The following DNAH6 variants were observed in gnomAD, a reference collection of about 807,000 sequenced individuals.
The protein encoded by DNAH6 is dynein axonemal heavy chain 6, also known as axonemal beta dynein heavy chain 6.
DNAH6 carries 340 observed loss-of-function variants against 491.4 expected under a neutral mutation model. The observed-to-expected ratio is 0.69, with a 90% CI of 0.63 to 0.76. DNAH6 has a LOEUF of 0.76. Among genes scored for constraint, DNAH6 ranks in the 30% least tolerant of loss-of-function variants. The pLI, the probability that DNAH6 is intolerant of heterozygous loss-of-function variation, is 0.00. For missense variants in DNAH6, 4,443 were observed against 4,972.2 expected, an observed-to-expected ratio of 0.89 and a Z score of 3.20; for synonymous variants, 1,603 against 1,686.1, an observed-to-expected ratio of 0.95 and a Z score of 1.21.
chr2:84,703,631 CA>C lies in DNAH6; in HGVS notation c.8229+70del, dbSNP rs1197997656. ...AACTGATCACTTATATATAATGAGA[CA>C]CGATTGGATTTTTTTATTATATATG... On this transcript the variant is annotated intron_variant, in intron 50 of 76. Coordinates refer to ENST00000389394, the MANE Select transcript of DNAH6 (RefSeq NM_001370.2). The C allele has an allele frequency of 2.4e-6, 3 of 1,270,738 alleles. No individual in the cohort carries two copies. The African/African-American group carries it at 4.6e-5, about 19-fold the overall frequency. The allele number at this position is 1,270,738 out of a possible 1,614,324, so 78.7% of individuals were successfully genotyped here. A position where few individuals can be genotyped will look rare whatever the true frequency, so the allele number is the denominator to read the frequency against.
intron 60 of DNAH6, among the ~76,000 whole-genome samples, chr2:84,726,283 A>G (rs1165091816): frequency 2.0e-5 from 3 of 152,130 alleles, no homozygotes; most frequent in African/African-American, 7.2e-5. Context: ...TTGGGCAGGT[A>G]CTACCTCACC....
At chr2:84,711,152 C>A (rs1432515344) in intron 56 of DNAH6, among the ~76,000 whole-genome samples, 1 of 152,142 alleles carries the variant, frequency 6.6e-6, no homozygotes, top group Non-Finnish European at 1.5e-5. Context: ...CTGGGATAGT[C>A]ACCAATGGAT....
intron 63 of DNAH6, among the ~76,000 whole-genome samples, chr2:84,751,938 A>G (rs1380278173): frequency 6.6e-6 from 1 of 152,238 alleles, no homozygotes; most frequent in African/African-American, 2.4e-5. Context: ...TAAGGTGATT[A>G]AATATACATA....
intron 63 of DNAH6, among the ~76,000 whole-genome samples, chr2:84,756,327 C>T (rs751505521): frequency 2.6e-5 from 4 of 152,194 alleles, no homozygotes; most frequent in African/African-American, 9.7e-5. Context: ...AATACTGCTA[C>T]AAGAGTATGC....
chr2:84,806,808 T>A (rs1038295788), intron 71 of DNAH6, among the ~76,000 whole-genome samples: 3 of 152,090 alleles, frequency 2.0e-5, no homozygotes, highest in Non-Finnish European at 4.4e-5. Context: ...TTAAAGCCCC[T>A]GGAAGAAAAG....
chr2:84,709,982 A>T (rs967707425), intron 55 of DNAH6, among the ~76,000 whole-genome samples: 4 of 152,216 alleles, frequency 2.6e-5, no homozygotes, highest in African/African-American at 9.6e-5. Context: ...ATCAGGTTGT[A>T]CTAAATAGGG....
chr2:84,759,318 G>A (rs1456187110), intron 63 of DNAH6, among the ~76,000 whole-genome samples: 1 of 151,854 alleles, frequency 6.6e-6, no homozygotes, highest in Non-Finnish European at 1.5e-5. Flanking sequence ...GACCAGCCTG[G>A]GCAACATGGC....
chr2:84,584,081 A>G lies in DNAH6; in HGVS notation c.2312A>G (p.Glu771Gly). 6.2e-7 allele frequency: 1 copy of G among 1,614,170 alleles called. No homozygotes were observed. Among genetic ancestry groups the G allele is most frequent in the East Asian group, 2.2e-5 (1 of 44,870 alleles). The change falls in exon 15 of 77, where the codon GAA becomes GGA. Residue 771 changes from glutamate to glycine, a missense_variant. Physicochemically the swap from Glu to Gly is moderately conservative, Grantham distance 98. This residue lies in a region of DNAH6 where 2,977 missense variants were observed against 3,296.6 expected (regional missense o/e 0.90). Coordinates refer to ENST00000389394, the MANE Select transcript of DNAH6 (RefSeq NM_001370.2). ...CAATATCAGGTGCCCACACCTCCTG[A>G]AGACTTTGCTGTTTTTGCAACTATG... ...MEQYQVPTPP[E>G]DFAVFATMKP... is the part of the protein sequence containing the mutation.
At chr2:84,683,486 G>C (rs887627789) in intron 42 of DNAH6, among the ~76,000 whole-genome samples, 2 of 147,682 alleles carry the variant, frequency 1.4e-5, no homozygotes, top group African/African-American at 5.1e-5. Context: ...GCAGTGGCGT[G>C]ATCTCGGCTC....
At position 84,673,743 on chromosome 2, in the gene DNAH6, G is replaced by T. The variant is rs142057400; in HGVS notation, c.6612+1259G>T. Among the ~76,000 whole-genome samples the T allele has an allele frequency of 2.7e-3, 407 of 152,286 alleles. 2 individuals carry two copies. Among genetic ancestry groups the T allele is most frequent in the Non-Finnish European group, 4.4e-3 (300 of 68,026 alleles). On this transcript the variant is annotated intron_variant, in intron 40 of 76. Coordinates refer to ENST00000389394, the MANE Select transcript of DNAH6 (RefSeq NM_001370.2). ...AGGAAGATGTAGTCTGGAAGGCTAG[G>T]CCACTCTCTTTTCACACTTTTCTGC...
intron 1 of DNAH6, 32 bp from the exon 2 acceptor site, chr2:84,517,787 T>C (rs1195955105): frequency 6.6e-7 from 1 of 1,504,684 alleles, no homozygotes; most frequent in Non-Finnish European, 9.0e-7. Flanking sequence ...GATCTACTTT[T>C]CATTTTCTTT....
At position 84,526,631 on chromosome 2, in the gene DNAH6, G is replaced by C. The variant is rs551026957; in HGVS notation, c.399+893G>C. Among the ~76,000 whole-genome samples the C allele has an allele frequency of 3.9e-5, 6 of 152,280 alleles. No homozygotes were observed. The East Asian group carries it at 1.2e-3, about 29-fold the overall frequency. ...GAATGAGTGGAAAGTTAATGGGATA[G>C]ATAAGATGAGAGAGGTGGGAGCTCT... On this transcript the variant is annotated intron_variant, in intron 3 of 76. Coordinates refer to ENST00000389394, the MANE Select transcript of DNAH6 (RefSeq NM_001370.2).
chr2:84,760,531 A>G (rs1394473264), intron 63 of DNAH6, among the ~76,000 whole-genome samples: 1 of 152,156 alleles, frequency 6.6e-6, no homozygotes, highest in African/African-American at 2.4e-5. Flanking sequence ...AAGACATACA[A>G]ATGGCTAACA....
intron 4 of DNAH6, 37 bp from the exon 5 acceptor site, chr2:84,544,196 A>G (rs1044272638): frequency 4.5e-6 from 5 of 1,114,840 alleles, no homozygotes; most frequent in Admixed American, 5.6e-5. Flanking sequence ...TGTATTGAAT[A>G]CTTTATTTAT....
rs117654753 is a variant in DNAH6, at chr2:84,669,161, C to T, written c.6085-128C>T. ...AGATACCTAAATAACTATGTATCTACAAAGGAAAAAGAAATCCAAATCCAG... is the reference window on the plus strand; with the variant it reads ...AGATACCTAAATAACTATGTATCTATAAAGGAAAAAGAAATCCAAATCCAG... On this transcript the variant is annotated intron_variant, in intron 37 of 76. Transcript: ENST00000389394. 9.3e-4 allele frequency: 661 copies of T among 708,876 alleles called. 3 individuals are homozygous for T. The East Asian group carries it at 0.016, about 18-fold the overall frequency. 43.9% of individuals were successfully genotyped at this position (708,876 alleles called of 1,614,324 possible). A position where few individuals can be genotyped will look rare whatever the true frequency, so the allele number is the denominator to read the frequency against.
chr2:84,701,110 C>A lies in DNAH6; in HGVS notation c.7832C>A (p.Ala2611Glu), dbSNP rs1297058661. 4.5e-6 allele frequency: 7 copies of A among 1,550,912 alleles called. No individual in the cohort carries two copies. Among genetic ancestry groups the A allele is most frequent in the Non-Finnish European group, 6.1e-6 (7 of 1,146,032 alleles). The change falls in exon 49 of 77, where the codon GCA becomes GAA. Residue 2611 changes from alanine to glutamate, a missense_variant. Physicochemically the swap from Ala to Glu is moderately radical, Grantham distance 107 (BLOSUM62 -1). Coordinates refer to ENST00000389394, the MANE Select transcript of DNAH6 (RefSeq NM_001370.2). ...IDWFVQWPRE[A>E]LLSVSKTFFS... ...CTTGATTCACAGTGGCCCAGAGAAG[C>A]ACTTCTTTCTGTGTCAAAGACATTT...
chr2:84,643,357 A>G (rs2104514079), intron 33 of DNAH6, among the ~76,000 whole-genome samples: 1 of 151,396 alleles, frequency 6.6e-6, no homozygotes, highest in East Asian at 1.9e-4. Flanking sequence ...TATAATTTTT[A>G]GGTATTTATC....
intron 50 of DNAH6, 127 bp downstream of exon 50, chr2:84,703,689 A>C: frequency 1.1e-6 from 1 of 893,738 alleles, no homozygotes; most frequent in Non-Finnish European, 1.6e-6. Context: ...AGATTTAGCA[A>C]AGTTTTTTTT....
At chr2:84,817,179 CAG>C (rs1470083334) in intron 76 of DNAH6, among the ~76,000 whole-genome samples, 1 of 150,276 alleles carries the variant, frequency 6.7e-6, no homozygotes, top group Non-Finnish European at 1.5e-5. Flanking sequence ...TTAAGACTGT[CAG>C]AGACCAAAAA....
Sources: allele counts gnomAD v4.1 joint callset (sites outside exome capture counted in the v4.1 genomes callset), GRCh38; gene constraint gnomAD v4.1.1; regional missense constraint gnomAD v4.1.1; transcripts MANE v1.5; gene names NCBI Gene and HGNC (gene_info 2026-07-23, HGNC 2026-07-21).